PHC1: variants seen among roughly 807,000 people sequenced by gnomAD.
PHC1 encodes the protein polyhomeotic-like protein 1.
A neutral mutation model predicts 104.3 loss-of-function variants in PHC1; 12 were observed. The ratio of observed to expected loss-of-function variants is 0.12; its 90% CI spans 0.07 to 0.19. The LOEUF is 0.19. PHC1 is among the 10% of genes least tolerant of loss of function. The pLI, the probability that PHC1 is intolerant of heterozygous loss-of-function variation, is 1.00. For missense variants in PHC1, 671 were observed against 1,200.0 expected (o/e 0.56, Z 6.51); for synonymous variants, 302 against 455.8 (o/e 0.66, Z 4.30).
intron 13 of PHC1, 119 bp downstream of exon 13, chr12:8,937,445 T>C: frequency 1.1e-6 from 1 of 925,242 alleles, no homozygotes; most frequent in Non-Finnish European, 1.6e-6. Flanking sequence ...TTCACATTGA[T>C]TGCATTACTA....
intron 7 of PHC1, 149 bp from the exon 8 acceptor site, chr12:8,932,414 G>T (rs1945712015): frequency 1.3e-6 from 1 of 745,538 alleles, no homozygotes; most frequent in Non-Finnish European, 2.2e-6. Context: ...ACGAAGTGAT[G>T]TCCAAGTTTC....
chr12:8,922,590 T>C, intron 5 of PHC1, 43 bp from the exon 6 acceptor site: 1 of 1,522,676 alleles, frequency 6.6e-7, no homozygotes, highest in Non-Finnish European at 8.9e-7. Context: ...GTCTCTTCTT[T>C]CCCTCTTGTC....
chr12:8,924,176 C>T (rs1945449879), intron 6 of PHC1, among the ~76,000 whole-genome samples: 1 of 152,104 alleles, frequency 6.6e-6, no homozygotes, highest in African/African-American at 2.4e-5. Flanking sequence ...AGAGCTTAGA[C>T]AATGAAAGTG....
chr12:8,914,017 C>T (rs3809218), upstream of PHC1: 96,398 of 152,470 alleles, frequency 0.63, 30,749 homozygotes, highest in South Asian at 0.78. Context: ...TCGCCTTTTC[C>T]TTCCTTTCCT....
At position 8,937,878 on chromosome 12, in the gene PHC1, C is replaced by T. The variant is rs1218029032; in HGVS notation, c.2678C>T (p.Ala893Val). ...TCAGATAATTCCAGTTATGATGAAG[C>T]ACTCTCTCCAACATCTCCTGGGCCT... The part of the protein sequence containing the change: ...RGSDNSSYDE[A>V]LSPTSPGPLS... Residue 893 changes from alanine to valine, a missense_variant, in exon 14 of 15, where the codon GCA becomes GTA. Ala to Val is a moderately conservative substitution (Grantham distance 64). Coordinates refer to ENST00000544916, the MANE Select transcript of PHC1 (RefSeq NM_004426.3). 1.2e-6 allele frequency: 2 copies of T among 1,612,960 alleles called. No individual in the cohort carries two copies. Among genetic ancestry groups the T allele is most frequent in the Non-Finnish European group, 1.7e-6 (2 of 1,179,054 alleles).
At chr12:8,923,632 T>C (rs1945427602) in intron 6 of PHC1, among the ~76,000 whole-genome samples, 1 of 151,710 alleles carries the variant, frequency 6.6e-6, no homozygotes, top group Admixed American at 6.6e-5. Context: ...ATCGAGACCA[T>C]CCTGGCTAAC....
chr12:8,922,103 C>T (rs1298394012), intron 5 of PHC1, among the ~76,000 whole-genome samples: 4 of 152,186 alleles, frequency 2.6e-5, no homozygotes, highest in South Asian at 2.1e-4. Context: ...CGTGAACCAC[C>T]GCGCCCGGCC....
At chr12:8,935,483 T>C (rs1945808748) in intron 11 of PHC1, among the ~76,000 whole-genome samples, 1 of 151,814 alleles carries the variant, frequency 6.6e-6, no homozygotes, top group African/African-American at 2.4e-5. Context: ...AAAATTAGCC[T>C]GGTGTGGCAG....
intron 6 of PHC1, among the ~76,000 whole-genome samples, chr12:8,925,793 TAGAG>T (rs1351533715): frequency 9.2e-5 from 14 of 152,292 alleles, no homozygotes; most frequent in Admixed American, 6.5e-4. Flanking sequence ...GGAAGTGTCA[TAGAG>T]AGATTTGGAT....
rs1195424366 is a variant in PHC1, at chr12:8,917,704, C to T, written c.27C>T (p.Ser9=). The change falls in exon 2 of 15, where the codon TCC becomes TCT. Residue 9 remains serine, a synonymous_variant. Transcript: ENST00000544916. ...TGGAGACTGAGAGCGAGCAGAACTC[C>T]AATTCCACCAATGGGAGTTCTAGCT... The part of the protein sequence containing the change: METESEQN[S]NSTNGSSSSG... The T allele has an allele frequency of 6.4e-7, 1 of 1,568,040 alleles. No individual in the cohort carries two copies. Among genetic ancestry groups the T allele is most frequent in the Non-Finnish European group, 8.6e-7 (1 of 1,160,520 alleles).
At chr12:8,917,527 A>C in intron 1 of PHC1, 103 bp from the exon 2 acceptor site, 1 of 475,176 alleles carries the variant, frequency 2.1e-6, no homozygotes. Context: ...AAGAGGAGGA[A>C]GATTCTTAGA....
intron 10 of PHC1, among the ~76,000 whole-genome samples, chr12:8,934,686 AAGT>A (rs1945785117): frequency 1.3e-5 from 2 of 152,210 alleles, no homozygotes; most frequent in African/African-American, 4.8e-5. Flanking sequence ...AAAAGGAAGA[AAGT>A]AACCTTTAAA....
chr12:8,922,185 C>T, intron 5 of PHC1, among the ~76,000 whole-genome samples: 1 of 152,188 alleles, frequency 6.6e-6, no homozygotes, highest in South Asian at 2.1e-4. Flanking sequence ...CCATACTTTA[C>T]TTAACCTGGA....
chr12:8,935,863 C>T (rs1032902208), intron 11 of PHC1, among the ~76,000 whole-genome samples: 126 of 152,024 alleles, frequency 8.3e-4, no homozygotes, highest in African/African-American at 2.8e-3. Context: ...TGGGTTCAAG[C>T]GATTCTCCTG....
At chr12:8,926,991 A>C (rs939124289) in intron 6 of PHC1, among the ~76,000 whole-genome samples, 7 of 151,904 alleles carry the variant, frequency 4.6e-5, no homozygotes, top group Admixed American at 4.6e-4. Flanking sequence ...GGTAGGATGA[A>C]CCCCCACTTT....
intron 6 of PHC1, among the ~76,000 whole-genome samples, chr12:8,928,253 T>G (rs1386845495): frequency 6.6e-6 from 1 of 152,184 alleles, no homozygotes; most frequent in Non-Finnish European, 1.5e-5. Flanking sequence ...AGTCTTAACC[T>G]ACTTGTAGTT....
rs944093007 is a variant in PHC1, at chr12:8,922,883, T to A, written c.612+95T>A. The A allele has an allele frequency of 7.4e-6, 8 of 1,075,694 alleles. No homozygotes were observed. In the African/African-American group the frequency reaches 1.3e-4, roughly 17 times the overall value. The allele number at this position is 1,075,694 out of a possible 1,614,324, so 66.6% of individuals were successfully genotyped here. On this transcript the variant is annotated intron_variant, in intron 6 of 14. Coordinates refer to ENST00000544916, the MANE Select transcript of PHC1 (RefSeq NM_004426.3). The stretch of plus-strand genomic sequence containing the variant: ...CCACCCTTCTGCCCCATTACACTTT[T>A]CAGAATTCTTACTTTTTGTGTTTTG...
intron 6 of PHC1, among the ~76,000 whole-genome samples, chr12:8,924,127 T>G (rs2137079619): frequency 1.3e-5 from 2 of 152,110 alleles, no homozygotes; most frequent in Middle Eastern, 3.4e-3. Flanking sequence ...TATTAGAAAT[T>G]TTGCAGGATT....
chr12:8,933,730 A>C (rs1945755876), intron 8 of PHC1, 135 bp from the exon 9 acceptor site: 4 of 697,154 alleles, frequency 5.7e-6, no homozygotes, highest in Admixed American at 5.8e-5. Context: ...CAGGAATTTT[A>C]GTGTACCATG....
Sources: allele counts gnomAD v4.1 joint callset (sites outside exome capture counted in the v4.1 genomes callset), GRCh38; gene constraint gnomAD v4.1.1; transcripts MANE v1.5; gene names NCBI Gene and HGNC (gene_info 2026-07-23, HGNC 2026-07-21).